The following STX8 variants were observed in gnomAD, a reference collection of about 807,000 sequenced individuals.
STX8 encodes syntaxin-8.
STX8 carries 23 observed loss-of-function variants against 37.5 expected under a neutral mutation model. The observed-to-expected ratio is 0.61, with a 90% CI of 0.44 to 0.87. STX8 has a LOEUF of 0.87. Among genes scored for constraint, STX8 ranks in the 40% least tolerant of loss-of-function variants. The pLI is 0.00. For missense variants in STX8, 313 were observed against 284.7 expected, an observed-to-expected ratio of 1.10 and a Z score of -0.71; for synonymous variants, 115 against 99.1, an observed-to-expected ratio of 1.16 and a Z score of -0.95.
At chr17:9,388,264 G>T (rs1597640769) in intron 6 of STX8, among the ~76,000 whole-genome samples, 1 of 150,998 alleles carries the variant, frequency 6.6e-6, no homozygotes, top group East Asian at 2.0e-4. Flanking sequence ...TAGAGACAGG[G>T]TTTCATAATG....
intron 6 of STX8, among the ~76,000 whole-genome samples, chr17:9,410,528 A>G (rs769439436): frequency 3.3e-4 from 50 of 152,198 alleles, no homozygotes; most frequent in Non-Finnish European, 2.6e-4. Context: ...GGAGTTGTCT[A>G]TCTTCACAGA....
At chr17:9,401,838 T>G (rs1170548151) in intron 6 of STX8, among the ~76,000 whole-genome samples, 1 of 152,202 alleles carries the variant, frequency 6.6e-6, no homozygotes, top group Non-Finnish European at 1.5e-5. Context: ...ACAAGTAACT[T>G]GAAGAGGTTT....
In STX8 at chr17:9,481,470, T is replaced by C. The variant is rs555616478; in HGVS notation, c.541+10359A>G. 3.3e-5 allele frequency among the ~76,000 whole-genome samples: 5 copies of C among 152,256 alleles called. No individual in the cohort carries two copies. In the South Asian group the frequency reaches 1.0e-3, roughly 32 times the overall value. On this transcript the variant is annotated intron_variant, in intron 6 of 7. Transcript: ENST00000306357. The stretch of plus-strand genomic sequence containing the variant: ...GCATCAGACAACATCACTCCTGCCA[T>C]AGCCATTACGTTACACAGCTCTGAG...
chr17:9,321,397 G>C (rs1206249607), intron 7 of STX8, among the ~76,000 whole-genome samples: 3 of 152,006 alleles, frequency 2.0e-5, no homozygotes, highest in African/African-American at 4.8e-5. Flanking sequence ...GGGCGTGGTG[G>C]CAGATGCCTG....
chr17:9,382,200 TG>T (rs1328853101), intron 6 of STX8, among the ~76,000 whole-genome samples: 1 of 150,896 alleles, frequency 6.6e-6, no homozygotes, highest in Non-Finnish European at 1.5e-5. Flanking sequence ...CACACACATA[TG>T]CCCTGCCAAG....
chr17:9,504,972 T>TAAAAAAAAAA (rs1904765135), intron 5 of STX8, 66 bp downstream of exon 5: 3 of 64,362 alleles, frequency 4.7e-5, no homozygotes, highest in Non-Finnish European at 7.6e-5. Flanking sequence ...AGACTCCGTC[T>TAAAAAAAAAA]CAAAAAAAAA....
At chr17:9,441,714 TGC>T (rs1431551438) in intron 6 of STX8, among the ~76,000 whole-genome samples, 5 of 137,810 alleles carry the variant, frequency 3.6e-5, no homozygotes, top group Non-Finnish European at 7.7e-5. Flanking sequence ...TCTCGCTCTG[TGC>T]CAAGGCTGGA....
chr17:9,480,907 T>C (rs948122969), intron 6 of STX8, among the ~76,000 whole-genome samples: 1 of 151,992 alleles, frequency 6.6e-6, no homozygotes, highest in African/African-American at 2.4e-5. Context: ...TTTTTTGAGG[T>C]GGAGCCTTGC....
intron 6 of STX8, among the ~76,000 whole-genome samples, chr17:9,417,277 C>G (rs772189554): frequency 4.5e-4 from 68 of 151,986 alleles, no homozygotes; most frequent in Non-Finnish European, 9.3e-4. Context: ...TAGATGATTA[C>G]AGAGTTAGGG....
At chr17:9,337,297 A>G (rs1441802101) in intron 7 of STX8, among the ~76,000 whole-genome samples, 1 of 152,050 alleles carries the variant, frequency 6.6e-6, no homozygotes, top group Non-Finnish European at 1.5e-5. Context: ...ACTTATTTCA[A>G]TGTCCATACT....
At chr17:9,366,752 T>C (rs1485732485) in intron 7 of STX8, among the ~76,000 whole-genome samples, 6 of 152,166 alleles carry the variant, frequency 3.9e-5, no homozygotes, top group African/African-American at 7.2e-5. Flanking sequence ...GTCTGCTGCC[T>C]TCCCATTTGA....
At chr17:9,468,505 T>C (rs746650466) in intron 6 of STX8, among the ~76,000 whole-genome samples, 5 of 152,220 alleles carry the variant, frequency 3.3e-5, no homozygotes, top group Non-Finnish European at 5.9e-5. Flanking sequence ...GTTAACTCAG[T>C]CCCCATCCGA....
At chr17:9,292,981 T>C (rs559243561) in intron 7 of STX8, among the ~76,000 whole-genome samples, 3 of 152,182 alleles carry the variant, frequency 2.0e-5, no homozygotes, top group African/African-American at 4.8e-5. Flanking sequence ...TGACAGAAAA[T>C]AGAACAAAAC....
intron 6 of STX8, among the ~76,000 whole-genome samples, chr17:9,440,101 G>A (rs975322153): frequency 6.6e-6 from 1 of 152,082 alleles, no homozygotes; most frequent in Admixed American, 6.5e-5. Context: ...AAATACCACT[G>A]GGAAAAGGGC....
chr17:9,533,754 C>T (rs1051508564), intron 4 of STX8, among the ~76,000 whole-genome samples: 3 of 152,154 alleles, frequency 2.0e-5, no homozygotes, highest in Admixed American at 6.5e-5. Flanking sequence ...TCAAGAACAG[C>T]GTTGCTATTG....
chr17:9,409,197 G>C (rs1342313567), intron 6 of STX8, among the ~76,000 whole-genome samples: 1 of 152,000 alleles, frequency 6.6e-6, no homozygotes, highest in African/African-American at 2.4e-5. Context: ...ATTAAGTTTG[G>C]GAAGCACCAA....
intron 7 of STX8, among the ~76,000 whole-genome samples, chr17:9,356,304 T>C (rs1401940735): frequency 6.6e-6 from 1 of 152,228 alleles, no homozygotes; most frequent in Non-Finnish European, 1.5e-5. Context: ...TCTAACCAAA[T>C]GGTCCATGAG....
At chr17:9,393,544 G>A (rs1242007922) in intron 6 of STX8, among the ~76,000 whole-genome samples, 3 of 152,130 alleles carry the variant, frequency 2.0e-5, no homozygotes, top group Non-Finnish European at 4.4e-5. Context: ...ATACCATAGA[G>A]CAGGGTAGGC....
At chr17:9,436,140 C>T (rs1904421593) in intron 6 of STX8, among the ~76,000 whole-genome samples, 1 of 151,628 alleles carries the variant, frequency 6.6e-6, no homozygotes, top group Non-Finnish European at 1.5e-5. Context: ...TGATCGAGAC[C>T]ATCCTGACTA....
Sources: gnomAD v4.1 joint callset for allele counts (sites outside exome capture counted in the v4.1 genomes callset) on GRCh38, gnomAD v4.1.1 for gene constraint, MANE v1.5 for transcripts, NCBI Gene and HGNC (gene_info 2026-07-23, HGNC 2026-07-21) for gene names.